PPP2R1A: variants seen among roughly 807,000 people sequenced by gnomAD.
The protein encoded by PPP2R1A is protein phosphatase 2 scaffold subunit Aalpha.
In PPP2R1A, 15 loss-of-function variants were observed where a neutral mutation model predicts 67.1. The ratio of observed to expected loss-of-function variants is 0.22; its 90% CI spans 0.15 to 0.34. PPP2R1A has a LOEUF of 0.34. Among genes scored for constraint, PPP2R1A ranks in the 10% least tolerant of loss-of-function variants. PPP2R1A has a pLI of 1.00. For synonymous variants in PPP2R1A, 337 were observed against 325.0 expected (o/e 1.04, Z -0.40); for missense variants, 369 against 775.0 (o/e 0.48, Z 6.22).
rs1200504063 is a variant in PPP2R1A, at chr19:52,212,940, C to G, written c.652-15C>G. 13 of 1,579,306 alleles carry G rather than the reference C, an allele frequency of 8.2e-6. No homozygotes were observed. The South Asian group carries it at 1.5e-4, about 19-fold the overall frequency. ...GGCCTCTGCTGCCCTCCCACTGTTC[C>G]TCTCCTCTCCCTAGGACTCGGTGCG... is the stretch of plus-strand genomic sequence containing the variant. On this transcript the variant is annotated splice_polypyrimidine_tract_variant and intron_variant, in intron 5 of 14. Coordinates refer to ENST00000322088, the MANE Select transcript of PPP2R1A (RefSeq NM_014225.6). The surrounding 1 kb of genome is among the most constrained non-coding windows in gnomAD (Gnocchi z 4.1).
Position 52,227,345 on chromosome 19 carries a change from G to T in PPP2R1A, c.*1364G>T, listed in dbSNP as rs1979324335. 1 of 152,206 alleles carries T rather than the reference G, an allele frequency of 6.6e-6. No individual in the cohort carries two copies. The highest frequency in any genetic ancestry group is 6.5e-5 in the Admixed American group (1 of 15,272). 9.4% of individuals were successfully genotyped at this position (152,206 alleles called of 1,614,324 possible). On this transcript the variant is annotated 3_prime_UTR_variant, in exon 15 of 15. Transcript: ENST00000322088. ...ATCTTAGGCGTGAAGGTCAAGTAAG[G>T]CAGGACAAGAGAGAAGGAGCCTGCC...
chr19:52,206,724 A>G (rs1272281424), intron 3 of PPP2R1A, among the ~76,000 whole-genome samples: 1 of 152,204 alleles, frequency 6.6e-6, no homozygotes, highest in East Asian at 1.9e-4. Flanking sequence ...GTGATGGCCA[A>G]GGACACAAAG....
chr19:52,201,639 G>A (rs981230631), intron 1 of PPP2R1A: 1 of 378,098 alleles, frequency 2.6e-6, no homozygotes, highest in Non-Finnish European at 5.1e-6. Context: ...GTGATGAAGA[G>A]AGAGGAGGAG....
At chr19:52,215,673 A>G in intron 6 of PPP2R1A, 106 bp from the exon 7 acceptor site, 3 of 901,722 alleles carry the variant, frequency 3.3e-6, no homozygotes, top group Non-Finnish European at 5.4e-6. Flanking sequence ...TCCAAGGCCC[A>G]CGCTCTGTCC....
chr19:52,220,257 C>T lies in PPP2R1A; in HGVS notation c.1363+8C>T. On this transcript the variant is annotated splice_region_variant and intron_variant, in intron 11 of 14. Transcript: ENST00000322088. ...CCTGGCTTGTGGATCATGGTGAGTA[C>T]CTTCACAGGAGCAGCAAGAGGAGAT... 3 of 1,613,324 alleles carry T rather than the reference C, an allele frequency of 1.9e-6. No individual in the cohort carries two copies. The highest frequency in any genetic ancestry group is 2.5e-6 in the Non-Finnish European group (3 of 1,179,438).
chr19:52,204,979 G>T (rs962291232), intron 2 of PPP2R1A, among the ~76,000 whole-genome samples: 1 of 152,196 alleles, frequency 6.6e-6, no homozygotes, highest in African/African-American at 2.4e-5. Context: ...ACCATAAAAT[G>T]GAGATGATGA....
rs2122334757 is a variant in PPP2R1A at position 52,212,727 on chromosome 19, G to A, written c.545G>A (p.Arg182Gln). ...TGCTCAGATGACACCCCCATGGTGC[G>A]GCGGGCCGCAGCCTCCAAGCTGGGG... ...NLCSDDTPMVRRAAASKLGEF... is the reference protein window; with the variant it reads ...NLCSDDTPMVQRAAASKLGEF... The change falls in exon 5 of 15, where the codon CGG (arginine) becomes CAG (glutamine). Residue 182 changes from arginine to glutamine, a missense_variant. Around this residue, in one of 2 missense-constraint regions of PPP2R1A, gnomAD observed 93 missense variants for 266.5 expected, o/e 0.35. Coordinates refer to ENST00000322088, the MANE Select transcript of PPP2R1A (RefSeq NM_014225.6). This position sits in a 1 kb window ranked among gnomAD's most constrained non-coding sequence, Gnocchi z 4.1. 1 of 1,614,020 alleles carries A rather than the reference G, an allele frequency of 6.2e-7. No individual in the cohort carries two copies. The highest frequency in any genetic ancestry group is 8.5e-7 in the Non-Finnish European group (1 of 1,180,030).
In PPP2R1A at chr19:52,227,822, A is replaced by G. The variant is rs1472520602; in HGVS notation, c.*1841A>G. On this transcript the variant is annotated 3_prime_UTR_variant, in exon 15 of 15. Coordinates refer to ENST00000322088, the MANE Select transcript of PPP2R1A (RefSeq NM_014225.6). ...GTGAACACACGTGTAACCAAACGTC[A>G]AAGTCTGACATTAAACTTTGACTTT... The G allele has an allele frequency of 6.6e-6, 1 of 152,196 alleles. No homozygotes were observed. The highest frequency in any genetic ancestry group is 2.4e-5 in the African/African-American group (1 of 41,442). The allele number at this position is 152,196 out of a possible 1,614,324, so 9.4% of individuals were successfully genotyped here. A position where few individuals can be genotyped will look rare whatever the true frequency, so the allele number is the denominator to read the frequency against.
rs1455127090 is a variant in PPP2R1A at position 52,201,607 on chromosome 19, A to T, written c.79-337A>T. 4 of 268,590 alleles carry T rather than the reference A, an allele frequency of 1.5e-5. No homozygotes were observed. In the East Asian group the frequency reaches 2.9e-4, roughly 20 times the overall value. The allele number at this position is 268,590 out of a possible 1,614,324, so 16.6% of individuals were successfully genotyped here. A position where few individuals can be genotyped will look rare whatever the true frequency, so the allele number is the denominator to read the frequency against. On this transcript the variant is annotated intron_variant, in intron 1 of 14. Transcript: ENST00000322088. Reference sequence around the variant, plus strand: ...AAAGTACAGTGCATTGGCATGTTACATGATACTGTGTATAGGAGAAAGTGA... The same window carrying T: ...AAAGTACAGTGCATTGGCATGTTACTTGATACTGTGTATAGGAGAAAGTGA...
chr19:52,199,660 A>G (rs113101036), intron 1 of PPP2R1A, among the ~76,000 whole-genome samples: 2,172 of 152,294 alleles, frequency 0.014, 52 homozygotes, highest in African/African-American at 0.05. Flanking sequence ...GTGCCACGCA[A>G]GCAGAGTTCA....
intron 9 of PPP2R1A, among the ~76,000 whole-genome samples, chr19:52,218,721 G>C (rs889068810): frequency 6.6e-6 from 1 of 152,154 alleles, no homozygotes; most frequent in Non-Finnish European, 1.5e-5. Context: ...GCGTTTTGGG[G>C]ATCATTTTGC....
chr19:52,194,630 T>C (rs1305087694), intron 1 of PPP2R1A, among the ~76,000 whole-genome samples: 2 of 151,994 alleles, frequency 1.3e-5, no homozygotes, highest in South Asian at 4.1e-4. Context: ...TGGGATTTGC[T>C]GGTGGGTAAT....
At position 52,216,782 on chromosome 19, in the gene PPP2R1A, C is replaced by T. The variant is rs571858284; in HGVS notation, c.1128+119C>T. ...CTGATATCTCAACAGACATCCAGATCTTTGCTGAGTTGCATGTTTGTGGGC... is the reference window on the plus strand; with the variant it reads ...CTGATATCTCAACAGACATCCAGATTTTTGCTGAGTTGCATGTTTGTGGGC... On this transcript the variant is annotated intron_variant, in intron 9 of 14. Coordinates refer to ENST00000322088, the MANE Select transcript of PPP2R1A (RefSeq NM_014225.6). This position sits in a 1 kb window ranked among gnomAD's most constrained non-coding sequence, Gnocchi z 4.3. The T allele has an allele frequency of 4.1e-6, 6 of 1,470,562 alleles. No homozygotes were observed. In the East Asian group the frequency reaches 6.9e-5, roughly 17 times the overall value. 91.1% of individuals were successfully genotyped at this position (1,470,562 alleles called of 1,614,324 possible).
At chr19:52,223,273 A>G (rs1026974263) in intron 13 of PPP2R1A, among the ~76,000 whole-genome samples, 1 of 152,364 alleles carries the variant, frequency 6.6e-6, no homozygotes, top group South Asian at 2.1e-4. Flanking sequence ...ATGACAGACC[A>G]GAACCAGAAA....
Position 52,212,758 on chromosome 19 carries a change from T to G in PPP2R1A, c.576T>G (p.Phe192Leu). 1 of 1,613,978 alleles carries G rather than the reference T, an allele frequency of 6.2e-7. No homozygotes were observed. Among genetic ancestry groups the G allele is most frequent in the Non-Finnish European group, 8.5e-7 (1 of 1,179,988 alleles). Residue 192 changes from phenylalanine to leucine, a missense_variant, in exon 5 of 15, where the codon TTT (phenylalanine) becomes TTG (leucine). Physicochemically the swap from Phe to Leu is conservative, Grantham distance 22. Around this residue, in one of 2 missense-constraint regions of PPP2R1A, gnomAD observed 93 missense variants for 266.5 expected, o/e 0.35. Transcript: ENST00000322088. The surrounding 1 kb of genome is among the most constrained non-coding windows in gnomAD (Gnocchi z 4.1). Reference sequence around the variant, plus strand: ...CCGCAGCCTCCAAGCTGGGGGAGTTTGCCAAGGTGCTGGAGCTGGACAACG... The same window carrying G: ...CCGCAGCCTCCAAGCTGGGGGAGTTGGCCAAGGTGCTGGAGCTGGACAACG... ...RRAAASKLGE[F>L]AKVLELDNVK...
Position 52,221,147 on chromosome 19 carries a change from C to T in PPP2R1A, c.1518+14C>T. Reference sequence around the variant, plus strand: ...TTCTGCATCAATGTGAGCCTTCCACCTGCCTGCTGGCCCATCCCTAGGGAA... The same window carrying T: ...TTCTGCATCAATGTGAGCCTTCCACTTGCCTGCTGGCCCATCCCTAGGGAA... On this transcript the variant is annotated intron_variant, in intron 12 of 14. Coordinates refer to ENST00000322088, the MANE Select transcript of PPP2R1A (RefSeq NM_014225.6). The T allele has an allele frequency of 6.2e-7, 1 of 1,614,106 alleles. No homozygotes were observed. The highest frequency in any genetic ancestry group is 8.5e-7 in the Non-Finnish European group (1 of 1,179,962).
At chr19:52,214,729 CTTTT>C (rs761403678) in intron 6 of PPP2R1A, among the ~76,000 whole-genome samples, 1 of 142,544 alleles carries the variant, frequency 7.0e-6, no homozygotes, top group Non-Finnish European at 1.5e-5. Flanking sequence ...GCGTGCCTCC[CTTTT>C]TTTTTTTTTT....
intron 1 of PPP2R1A, among the ~76,000 whole-genome samples, chr19:52,197,930 A>G (rs940265226): frequency 2.6e-5 from 4 of 152,222 alleles, no homozygotes; most frequent in Non-Finnish European, 5.9e-5. Context: ...ATTTACTGTT[A>G]TTATTCTGTC....
At chr19:52,224,758 G>A (rs1004553746) in intron 13 of PPP2R1A, among the ~76,000 whole-genome samples, 1 of 152,168 alleles carries the variant, frequency 6.6e-6, no homozygotes, top group Non-Finnish European at 1.5e-5. Context: ...GGAGTACAGT[G>A]GTGCGATCTC....
Sources: gnomAD v4.1 joint callset for allele counts (sites outside exome capture counted in the v4.1 genomes callset) on GRCh38, gnomAD v4.1.1 for gene constraint, gnomAD v4.1.1 regional missense constraint, Gnocchi (gnomAD v3.1) non-coding constraint, MANE v1.5 for transcripts, NCBI Gene and HGNC (gene_info 2026-07-23, HGNC 2026-07-21) for gene names.